The following MARF1 variants were observed in gnomAD, a reference collection of about 807,000 sequenced individuals.
The protein encoded by MARF1 is limkain-b1.
A neutral mutation model predicts 168.2 loss-of-function variants in MARF1; 24 were observed. The observed-to-expected ratio is 0.14, with a 90% CI of 0.10 to 0.20. MARF1 has a LOEUF of 0.20. Ranked by LOEUF, MARF1 falls within the 10% of genes least tolerant of loss-of-function variation. The pLI is 1.00. For synonymous variants in MARF1, 868 were observed against 822.4 expected, an observed-to-expected ratio of 1.06 and a Z score of -0.95; for missense variants, 1,744 against 2,143.6, an observed-to-expected ratio of 0.81 and a Z score of 3.68.
In MARF1 at chr16:15,611,741, A is replaced by G. The variant is rs1439428646; in HGVS notation, c.3475-7T>C. ...TGGAGCCCATTCCAAGAATCTGCAA[A>G]GCAAATAGTTTATTTATACACATAA... On this transcript the variant is annotated splice_polypyrimidine_tract_variant and splice_region_variant and intron_variant, in intron 17 of 26. Transcript: ENST00000396368. 3 of 1,613,732 alleles carry G rather than the reference A, an allele frequency of 1.9e-6. No homozygotes were observed. Among genetic ancestry groups the G allele is most frequent in the Non-Finnish European group, 1.7e-6 (2 of 1,179,832 alleles).
At chr16:15,614,109 G>A (rs571059867) in intron 16 of MARF1, among the ~76,000 whole-genome samples, 3 of 152,182 alleles carry the variant, frequency 2.0e-5, no homozygotes, top group Middle Eastern at 3.4e-3. Context: ...AGTCCAAAAC[G>A]TGGACCAAAA....
intron 6 of MARF1, among the ~76,000 whole-genome samples, 176 bp from the exon 7 acceptor site, chr16:15,630,680 T>C (rs2035192211): frequency 6.6e-6 from 1 of 151,942 alleles, no homozygotes; most frequent in South Asian, 2.1e-4. Flanking sequence ...TAAGACAATC[T>C]TACCAAAAGA....
chr16:15,616,568 T>C (rs1016991431), intron 15 of MARF1, among the ~76,000 whole-genome samples: 1 of 152,182 alleles, frequency 6.6e-6, no homozygotes, highest in Non-Finnish European at 1.5e-5. Flanking sequence ...AGTGAATGGA[T>C]CCCATTTCAG....
intron 7 of MARF1, among the ~76,000 whole-genome samples, chr16:15,626,601 C>T (rs1379860831): frequency 1.3e-5 from 2 of 152,112 alleles, no homozygotes; most frequent in African/African-American, 4.8e-5. Context: ...AGTAGTTAGG[C>T]TGGAAGTTTT....
intron 17 of MARF1, among the ~76,000 whole-genome samples, chr16:15,612,151 T>C (rs1020958781): frequency 6.6e-6 from 1 of 152,192 alleles, no homozygotes; most frequent in Admixed American, 6.5e-5. Context: ...AGTGCTACAC[T>C]CTAGCCCAGT....
At position 15,624,840 on chromosome 16, in the gene MARF1, C is replaced by T. The variant is rs374770431; in HGVS notation, c.2199G>A (p.Pro733=). ...KEETVFQVSY[P]SAFSKLVASR... is the part of the protein sequence containing the mutation. ...ATGCAACTAACTTGCTAAAAGCAGA[C>T]GGGTAACTCACTTGGAATACAGTCT... The change falls in exon 10 of 27, where the codon CCG becomes CCA. Residue 733 remains proline (P), a synonymous_variant. Transcript: ENST00000396368. 5.3e-5 allele frequency: 85 copies of T among 1,614,010 alleles called. No individual in the cohort carries two copies. The African/African-American group carries it at 8.7e-4, about 16-fold the overall frequency.
intron 20 of MARF1, among the ~76,000 whole-genome samples, chr16:15,609,295 T>C (rs1180411581): frequency 6.6e-6 from 1 of 151,998 alleles, no homozygotes; most frequent in African/African-American, 2.4e-5. Context: ...TTTTTTTCAA[T>C]AATTACCCCC....
rs372098976 is a variant in MARF1 at position 15,596,710 on chromosome 16, G to A, written c.5212C>T (p.Pro1738Ser). The change falls in exon 27 of 27, where the codon CCT (proline) becomes TCT (serine). Residue 1738 changes from proline to serine, a missense_variant. Around this residue, in one of 7 missense-constraint regions of MARF1, gnomAD observed 313 missense variants for 337.4 expected, o/e 0.93. Coordinates refer to ENST00000396368, the MANE Select transcript of MARF1 (RefSeq NM_014647.4). ...VKLAANFSLA[P>S]ITKL ...AATGGGAGTTAAAGCTTGGTTATAG[G>A]TGCTAAGGAAAAGTTGGCTGCCAAT... 6.9e-6 allele frequency: 11 copies of A among 1,604,538 alleles called. No homozygotes were observed. Among genetic ancestry groups the A allele is most frequent in the Admixed American group, 6.7e-5 (4 of 59,690 alleles).
At chr16:15,630,916 A>C (rs868336761) in intron 6 of MARF1, among the ~76,000 whole-genome samples, 5 of 152,158 alleles carry the variant, frequency 3.3e-5, no homozygotes, top group Middle Eastern at 6.8e-3. Flanking sequence ...GGATCACCTG[A>C]GGTCAGGAGT....
At chr16:15,641,849 G>A (rs547120097) in intron 1 of MARF1, among the ~76,000 whole-genome samples, 1 of 152,176 alleles carries the variant, frequency 6.6e-6, no homozygotes, top group African/African-American at 2.4e-5. Context: ...CCTGCACCCT[G>A]AAAACTTCCC....
At chr16:15,602,332 G>A (rs548046746) in intron 22 of MARF1, 129 bp from the exon 23 acceptor site, 58 of 684,684 alleles carry the variant, frequency 8.5e-5, no homozygotes, top group South Asian at 8.5e-4. Flanking sequence ...AGAAGGCAAC[G>A]AAGATGAGAA....
At position 15,594,610 on chromosome 16, in the gene MARF1, C is replaced by G. The variant is rs1450177466; in HGVS notation, c.*2083G>C. On this transcript the variant is annotated 3_prime_UTR_variant, in exon 27 of 27. Transcript: ENST00000396368. Reference sequence around the variant, plus strand: ...AATTTAATCCGGTATATCTTTCCACCCAGAAATAAAGAATTACATTGTCTT... The same window carrying G: ...AATTTAATCCGGTATATCTTTCCACGCAGAAATAAAGAATTACATTGTCTT... The G allele has an allele frequency of 6.6e-6, 1 of 152,348 alleles. No homozygotes were observed. The highest frequency in any genetic ancestry group is 1.5e-5 in the Non-Finnish European group (1 of 68,008). 9.4% of individuals were successfully genotyped at this position (152,348 alleles called of 1,614,324 possible). A position where few individuals can be genotyped will look rare whatever the true frequency, so the allele number is the denominator to read the frequency against.
Position 15,596,097 on chromosome 16 carries a change from T to A in MARF1, c.*596A>T, listed in dbSNP as rs929542720. The A allele has an allele frequency of 6.6e-6, 1 of 152,580 alleles. No homozygotes were observed. Among genetic ancestry groups the A allele is most frequent in the Non-Finnish European group, 1.5e-5 (1 of 68,026 alleles). 9.5% of individuals were successfully genotyped at this position (152,580 alleles called of 1,614,324 possible). On this transcript the variant is annotated 3_prime_UTR_variant, in exon 27 of 27. Transcript: ENST00000396368. ...TTGTCAACTACAGACATAGTTTAAA[T>A]AAAAAACAAGGCACACTTACAAGTC... is the stretch of plus-strand genomic sequence containing the variant.
chr16:15,612,109 T>C (rs1482490322), intron 17 of MARF1, among the ~76,000 whole-genome samples: 1 of 152,226 alleles, frequency 6.6e-6, no homozygotes, highest in Non-Finnish European at 1.5e-5. Flanking sequence ...TATAACACTG[T>C]GAGTTAACTG....
chr16:15,636,942 A>T (rs1231333031), intron 2 of MARF1, among the ~76,000 whole-genome samples: 1 of 152,224 alleles, frequency 6.6e-6, no homozygotes, highest in East Asian at 1.9e-4. Context: ...ATTATATTGC[A>T]GCCAGTGAAA....
At chr16:15,598,788 A>G in intron 26 of MARF1, 66 bp downstream of exon 26, 1 of 1,449,696 alleles carries the variant, frequency 6.9e-7, no homozygotes, top group Non-Finnish European at 9.7e-7. Flanking sequence ...TTACTATATC[A>G]GTATCTCATC....
chr16:15,635,212 T>C (rs557377992), intron 3 of MARF1: 123 of 434,660 alleles, frequency 2.8e-4, no homozygotes, highest in African/African-American at 2.1e-3. Context: ...ACACATATTT[T>C]ACATAAAGGG....
chr16:15,615,750 G>A (rs1464517617), intron 16 of MARF1, 80 bp downstream of exon 16: 7 of 1,126,382 alleles, frequency 6.2e-6, no homozygotes, highest in Non-Finnish European at 8.3e-6. Flanking sequence ...TTGTGCTGCT[G>A]TTTAAAATAA....
At chr16:15,623,888 T>C (rs1026955528) in intron 10 of MARF1, among the ~76,000 whole-genome samples, 1 of 151,898 alleles carries the variant, frequency 6.6e-6, no homozygotes, top group African/African-American at 2.4e-5. Flanking sequence ...GATGTAATTT[T>C]ATAGATCCAT....
Sources: allele counts gnomAD v4.1 joint callset (sites outside exome capture counted in the v4.1 genomes callset), GRCh38; gene constraint gnomAD v4.1.1; regional missense constraint gnomAD v4.1.1; transcripts MANE v1.5; gene names NCBI Gene and HGNC (gene_info 2026-07-23, HGNC 2026-07-21).